Variants in MTMR12 observed in about 807,000 individuals in gnomAD.
MTMR12 encodes myotubularin-related protein 12.
A neutral mutation model predicts 96.7 loss-of-function variants in MTMR12; 33 were observed. The observed-to-expected ratio is 0.34, with a 90% CI of 0.26 to 0.46. The LOEUF (loss-of-function observed/expected upper bound fraction) is 0.46. Ranked by LOEUF, MTMR12 falls within the 20% of genes least tolerant of loss-of-function variation. MTMR12 has a pLI of 1.00. For missense variants in MTMR12, 721 were observed against 896.1 expected, an observed-to-expected ratio of 0.80 and a Z score of 2.49; for synonymous variants, 298 against 327.2, an observed-to-expected ratio of 0.91 and a Z score of 0.96.
chr5:32,306,094 G>A (rs1314800262), intron 1 of MTMR12, among the ~76,000 whole-genome samples: 1 of 152,060 alleles, frequency 6.6e-6, no homozygotes, highest in Non-Finnish European at 1.5e-5. Flanking sequence ...ACACTACTAA[G>A]GAAGTACTCT....
intron 1 of MTMR12, among the ~76,000 whole-genome samples, chr5:32,298,965 A>G (rs1489470743): frequency 6.6e-6 from 1 of 151,452 alleles, no homozygotes. Flanking sequence ...AAAAAAAAAA[A>G]AAAAAAGAAC....
At chr5:32,240,891 G>A (rs990227379) in intron 12 of MTMR12, among the ~76,000 whole-genome samples, 20 of 152,120 alleles carry the variant, frequency 1.3e-4, no homozygotes, top group African/African-American at 4.6e-4. Flanking sequence ...GTGAGCCACC[G>A]TGTCCAGCCA....
chr5:32,300,891 A>G (rs1004580741), intron 1 of MTMR12, among the ~76,000 whole-genome samples: 9 of 152,156 alleles, frequency 5.9e-5, no homozygotes, highest in Admixed American at 3.3e-4. Context: ...CTTGGCCAAC[A>G]TGGTGAAACC....
chr5:32,251,642 C>T (rs577077486), intron 8 of MTMR12, among the ~76,000 whole-genome samples: 4 of 152,114 alleles, frequency 2.6e-5, no homozygotes, highest in South Asian at 2.1e-4. Context: ...ACAAGACAGC[C>T]GCTTGACTAC....
Position 32,293,746 on chromosome 5 carries a change from C to A in MTMR12, c.82-17004G>T, listed in dbSNP as rs974512791. On this transcript the variant is annotated intron_variant, in intron 1 of 15. Coordinates refer to ENST00000382142, the MANE Select transcript of MTMR12 (RefSeq NM_001040446.3). ...TGTTTCAACAGTATAGGCTGATGAT[C>A]CCCAAGTGGTACTTCACTCCAGATC... is the stretch of plus-strand genomic sequence containing the variant. Among the ~76,000 whole-genome samples, 4 of 152,252 alleles carry A rather than the reference C, an allele frequency of 2.6e-5. No individual in the cohort carries two copies. In the East Asian group the frequency reaches 7.7e-4, roughly 29 times the overall value.
chr5:32,287,195 A>T (rs1289044894), intron 1 of MTMR12, among the ~76,000 whole-genome samples: 2 of 152,240 alleles, frequency 1.3e-5, no homozygotes, highest in South Asian at 2.1e-4. Flanking sequence ...TGATTAAAGG[A>T]TGCAAAATAT....
chr5:32,282,408 A>G (rs1361535230), intron 1 of MTMR12, among the ~76,000 whole-genome samples: 2 of 150,960 alleles, frequency 1.3e-5, no homozygotes, highest in African/African-American at 2.4e-5. Context: ...GCGACAGAGC[A>G]AGACTCCATC....
At chr5:32,259,863 C>T (rs2112050821) in intron 7 of MTMR12, among the ~76,000 whole-genome samples, 1 of 152,072 alleles carries the variant, frequency 6.6e-6, no homozygotes, top group African/African-American at 2.4e-5. Flanking sequence ...TGGTGAAACC[C>T]CGTCTCTACC....
At chr5:32,273,959 C>T in intron 3 of MTMR12, 21 bp downstream of exon 3, 1 of 1,613,066 alleles carries the variant, frequency 6.2e-7, no homozygotes. Context: ...ACAAACTCTG[C>T]CAAATGCAGC....
chr5:32,254,613 C>T (rs138588790), intron 8 of MTMR12, among the ~76,000 whole-genome samples: 4,761 of 149,338 alleles, frequency 0.032, 251 homozygotes, highest in African/African-American at 0.11. Context: ...GAGGCCGAGG[C>T]GGGTGGATCA....
At chr5:32,262,515 C>A (rs896129489) in intron 7 of MTMR12, among the ~76,000 whole-genome samples, 4 of 152,048 alleles carry the variant, frequency 2.6e-5, no homozygotes, top group Non-Finnish European at 4.4e-5. Context: ...GTGGGAGAAT[C>A]ACTTGAGCCG....
intron 7 of MTMR12, among the ~76,000 whole-genome samples, chr5:32,256,199 T>G (rs1749125110): frequency 6.6e-6 from 1 of 152,208 alleles, no homozygotes; most frequent in South Asian, 2.1e-4. Flanking sequence ...CCCAGACATT[T>G]TATCAAGTGC....
intron 7 of MTMR12, among the ~76,000 whole-genome samples, chr5:32,260,342 G>A (rs928430265): frequency 2.6e-5 from 4 of 151,672 alleles, no homozygotes; most frequent in Admixed American, 6.6e-5. Flanking sequence ...CATGGAGAAT[G>A]GATGCTGGGG....
intron 12 of MTMR12, among the ~76,000 whole-genome samples, chr5:32,241,756 C>G (rs1470817303): frequency 6.6e-6 from 1 of 152,170 alleles, no homozygotes; most frequent in Non-Finnish European, 1.5e-5. Context: ...TTAAATTTAA[C>G]CAAGCTCAGT....
chr5:32,300,723 TAAAAC>T (rs368389436), intron 1 of MTMR12, among the ~76,000 whole-genome samples: 2,334 of 152,190 alleles, frequency 0.015, 30 homozygotes, highest in Non-Finnish European at 0.024. Flanking sequence ...AAGTGATCAT[TAAAAC>T]AAAAAGAGAA....
intron 12 of MTMR12, among the ~76,000 whole-genome samples, chr5:32,240,038 C>T (rs1748402052): frequency 6.6e-6 from 1 of 152,178 alleles, no homozygotes; most frequent in Non-Finnish European, 1.5e-5. Flanking sequence ...ATAGGTGCAA[C>T]TCGAGTTGTT....
chr5:32,303,088 A>C (rs1036456344), intron 1 of MTMR12, among the ~76,000 whole-genome samples: 5 of 152,222 alleles, frequency 3.3e-5, no homozygotes, highest in African/African-American at 1.2e-4. Context: ...GGCTCTGACG[A>C]AACTTCTGAA....
chr5:32,293,886 CA>C (rs1355529902), intron 1 of MTMR12, among the ~76,000 whole-genome samples: 1 of 152,198 alleles, frequency 6.6e-6, no homozygotes, highest in Non-Finnish European at 1.5e-5. Context: ...CACCCCTTGC[CA>C]AATCTAATGC....
At chr5:32,259,738 C>T (rs1246050001) in intron 7 of MTMR12, among the ~76,000 whole-genome samples, 2 of 152,118 alleles carry the variant, frequency 1.3e-5, no homozygotes, top group Non-Finnish European at 2.9e-5. Context: ...AAGCTTGCAA[C>T]TTAAGTGGTA....
Sources: allele counts gnomAD v4.1 joint callset (sites outside exome capture counted in the v4.1 genomes callset), GRCh38; gene constraint gnomAD v4.1.1; transcripts MANE v1.5; gene names NCBI Gene and HGNC (gene_info 2026-07-23, HGNC 2026-07-21).